Variants in TPTE observed in about 807,000 individuals in gnomAD.
The protein encoded by TPTE is putative tyrosine-protein phosphatase TPTE.
Under a neutral mutation model 84.1 loss-of-function variants are expected in TPTE, and 59 were observed. That is an observed-to-expected ratio of 0.70 (90% CI 0.57 to 0.87). The LOEUF is 0.87. Ranked by LOEUF, TPTE falls within the 40% of genes least tolerant of loss-of-function variation. The pLI, the probability that TPTE is intolerant of heterozygous loss-of-function variation, is 0.00. For synonymous variants in TPTE, 130 were observed against 223.5 expected (o/e 0.58, Z 3.73); for missense variants, 382 against 659.6 (o/e 0.58, Z 4.61).
intron 10 of TPTE, among the ~76,000 whole-genome samples, chr21:10,563,399 C>CT (rs1478314252): frequency 2.6e-5 from 4 of 152,302 alleles, no homozygotes; most frequent in Non-Finnish European, 2.9e-5. Context: ...TACTCTTACT[C>CT]TAAGTAGAGA....
At chr21:10,544,434 G>A (rs538957774) in intron 7 of TPTE, among the ~76,000 whole-genome samples, 153 of 152,326 alleles carry the variant, frequency 1.0e-3, no homozygotes, top group Non-Finnish European at 1.7e-3. Flanking sequence ...GCCCAAGCTG[G>A]CGTGCAGTGG....
intron 7 of TPTE, among the ~76,000 whole-genome samples, chr21:10,544,080 A>G (rs2074422262): frequency 1.3e-5 from 2 of 152,424 alleles, no homozygotes; most frequent in South Asian, 2.1e-4. Flanking sequence ...GGGTTTTCCC[A>G]GTCATGTGAA....
chr21:10,536,566 A>T (rs1464167315), intron 3 of TPTE, among the ~76,000 whole-genome samples: 1 of 152,300 alleles, frequency 6.6e-6, no homozygotes, highest in Non-Finnish European at 1.5e-5. Flanking sequence ...ACACACAAAC[A>T]CAGGGAGAGA....
At chr21:10,604,734 G>C (rs1288030465) in intron 23 of TPTE, among the ~76,000 whole-genome samples, 1 of 152,308 alleles carries the variant, frequency 6.6e-6, no homozygotes, top group African/African-American at 2.4e-5. Flanking sequence ...TCTTGCTAAA[G>C]GATACCATTT....
At chr21:10,561,947 G>C (rs1420434919) in intron 10 of TPTE, among the ~76,000 whole-genome samples, 1 of 152,310 alleles carries the variant, frequency 6.6e-6, no homozygotes, top group East Asian at 1.9e-4. Context: ...GTGCTGTGCT[G>C]GCCTCAGGTC....
chr21:10,542,539 CCATCCATCCATCCATCCATCCATT>C (rs1413328816), intron 6 of TPTE, 91 bp downstream of exon 6: 676 of 1,309,184 alleles, frequency 5.2e-4, no homozygotes, highest in South Asian at 4.2e-3. Context: ...CCCCATCCAT[CCATCCATCCATCCATCCATCCATT>C]CATCCATCCA....
At chr21:10,562,760 A>G (rs1189662018) in intron 10 of TPTE, among the ~76,000 whole-genome samples, 2 of 152,306 alleles carry the variant, frequency 1.3e-5, no homozygotes. Context: ...GCCTGCCTAC[A>G]GGATCTAGAA....
At chr21:10,546,496 T>C (rs542302934) in intron 7 of TPTE, among the ~76,000 whole-genome samples, 1 of 152,428 alleles carries the variant, frequency 6.6e-6, no homozygotes, top group East Asian at 1.9e-4. Context: ...AAGCTAGAAA[T>C]GATTGTGAGG....
chr21:10,567,460 A>AT (rs1193054795), intron 10 of TPTE, among the ~76,000 whole-genome samples: 1 of 136,256 alleles, frequency 7.3e-6, no homozygotes, highest in African/African-American at 2.6e-5. Context: ...TTAGTCACAT[A>AT]TAAGTGTCAA....
intron 7 of TPTE, among the ~76,000 whole-genome samples, chr21:10,550,190 G>A (rs1480026949): frequency 6.6e-6 from 1 of 152,302 alleles, no homozygotes; most frequent in African/African-American, 2.4e-5. Flanking sequence ...GAAGTAAAAA[G>A]ATGATAACCA....
At chr21:10,540,047 A>G (rs1433511827) in intron 4 of TPTE, among the ~76,000 whole-genome samples, 3 of 152,306 alleles carry the variant, frequency 2.0e-5, no homozygotes, top group African/African-American at 2.4e-5. Context: ...AAAACAAAAA[A>G]CCAAAACAAA....
In TPTE at chr21:10,546,260, T is replaced by C. The variant is rs1440802365; in HGVS notation, c.173+2878T>C. ...CTTTGATGTTACTATTGTAATTGTT[T>C]TGGGGCAACACGAACCATGTCCATA... On this transcript the variant is annotated intron_variant, in intron 7 of 23. Coordinates refer to ENST00000618007, the MANE Select transcript of TPTE (RefSeq NM_199261.4). Among the ~76,000 whole-genome samples the C allele has an allele frequency of 3.9e-5, 6 of 152,426 alleles. No individual in the cohort carries two copies. In the South Asian group the frequency reaches 1.0e-3, roughly 26 times the overall value.
intron 4 of TPTE, chr21:10,540,868 G>GT (rs2074356681): frequency 7.7e-6 from 5 of 651,412 alleles, no homozygotes; most frequent in Admixed American, 7.3e-5. Context: ...ACACCTTGAG[G>GT]TGTAGATACC....
At chr21:10,554,802 A>T (rs2074647748) in intron 8 of TPTE, among the ~76,000 whole-genome samples, 1 of 152,310 alleles carries the variant, frequency 6.6e-6, no homozygotes, top group South Asian at 2.1e-4. Context: ...CCCTGAATTT[A>T]CTTTGTCTTA....
chr21:10,579,650 C>T (rs1331846500), intron 17 of TPTE, among the ~76,000 whole-genome samples: 50 of 152,334 alleles, frequency 3.3e-4, no homozygotes, highest in African/African-American at 9.9e-4. Flanking sequence ...TGTCTTTCTA[C>T]GCCTGGCTTA....
Position 10,530,042 on chromosome 21 carries a change from T to A in TPTE, c.-44+2630T>A, listed in dbSNP as rs527522198. Among the ~76,000 whole-genome samples, 6 of 152,426 alleles carry A rather than the reference T, an allele frequency of 3.9e-5. No homozygotes were observed. In the South Asian group the frequency reaches 1.2e-3, roughly 32 times the overall value. ...TAAATTCTTACATTATTTCAATGAA[T>A]TACAATCCTTTCTGTCATTATTTAT... On this transcript the variant is annotated intron_variant, in intron 3 of 23. Coordinates refer to ENST00000618007, the MANE Select transcript of TPTE (RefSeq NM_199261.4).
chr21:10,545,265 G>A (rs1390371243), intron 7 of TPTE, among the ~76,000 whole-genome samples: 1 of 152,312 alleles, frequency 6.6e-6, no homozygotes, highest in East Asian at 1.9e-4. Flanking sequence ...AAGTAATACA[G>A]AACTGCACTT....
rs1350998830 is a variant in TPTE at position 10,521,683 on chromosome 21, T to G, written c.-222T>G. The G allele has an allele frequency of 1.3e-5, 2 of 148,914 alleles. No homozygotes were observed. Among genetic ancestry groups the G allele is most frequent in the Non-Finnish European group, 1.5e-5 (1 of 68,536 alleles). 9.2% of individuals were successfully genotyped at this position (148,914 alleles called of 1,614,324 possible). On this transcript the variant is annotated 5_prime_UTR_variant, in exon 1 of 24. Transcript: ENST00000618007. ...GGGACCCCCGGCGCCTACACTTAGC[T>G]CCGCGCCCGAGGTGAGCCCAGGCCC...
chr21:10,599,799 TTTAG>T (rs71217978), intron 21 of TPTE, among the ~76,000 whole-genome samples: 19,274 of 138,102 alleles, frequency 0.14, 2 homozygotes, highest in African/African-American at 0.18. Context: ...ACAACTCTAA[TTTAG>T]TTAGTTAGTT....
Sources: allele counts gnomAD v4.1 joint callset (sites outside exome capture counted in the v4.1 genomes callset), GRCh38; gene constraint gnomAD v4.1.1; transcripts MANE v1.5; gene names NCBI Gene and HGNC (gene_info 2026-07-23, HGNC 2026-07-21).